B4GALT5: variants seen among roughly 807,000 people sequenced by gnomAD.
The protein encoded by B4GALT5 is beta-1,4-galactosyltransferase 5, also known as UDP-Gal:beta-GlcNAc beta-1,4-galactosyltransferase 5.
B4GALT5 carries 11 observed loss-of-function variants against 45.0 expected under a neutral mutation model. That is an observed-to-expected ratio of 0.24 (90% CI 0.15 to 0.40). The LOEUF is 0.40. B4GALT5 is among the 10% of genes least tolerant of loss of function. B4GALT5 has a pLI of 1.00. For missense variants in B4GALT5, 337 were observed against 500.2 expected, an observed-to-expected ratio of 0.67 and a Z score of 3.11; for synonymous variants, 185 against 182.9, an observed-to-expected ratio of 1.01 and a Z score of -0.09.
At chr20:49,663,688 AAAATATATACATATAT>A (rs1214003913) in intron 1 of B4GALT5, among the ~76,000 whole-genome samples, 2 of 106,924 alleles carry the variant, frequency 1.9e-5, no homozygotes, top group African/African-American at 7.6e-5. Flanking sequence ...AAAAAAAAAA[AAAATATATACATATAT>A]ATATATATAT....
chr20:49,679,879 C>T (rs771494670), intron 1 of B4GALT5, among the ~76,000 whole-genome samples: 9 of 152,118 alleles, frequency 5.9e-5, no homozygotes, highest in South Asian at 2.1e-4. Flanking sequence ...TTTCAGTATA[C>T]CTGCCTTGAA....
At chr20:49,667,252 GTT>G (rs1568723891) in intron 1 of B4GALT5, among the ~76,000 whole-genome samples, 5 of 46,940 alleles carry the variant, frequency 1.1e-4, no homozygotes, top group Non-Finnish European at 3.3e-4. Flanking sequence ...TTTGGCTTGT[GTT>G]GTTGTTGTTT....
chr20:49,665,100 T>G (rs1462355794), intron 1 of B4GALT5, among the ~76,000 whole-genome samples: 3 of 151,978 alleles, frequency 2.0e-5, no homozygotes, highest in Non-Finnish European at 4.4e-5. Flanking sequence ...TCTCCAGGAG[T>G]GGCCAAGTTC....
At chr20:49,652,894 A>G (rs978915910) in intron 2 of B4GALT5, among the ~76,000 whole-genome samples, 2 of 152,200 alleles carry the variant, frequency 1.3e-5, no homozygotes, top group African/African-American at 4.8e-5. Flanking sequence ...CCATTAAGCC[A>G]ACAGTGCTCC....
intron 1 of B4GALT5, among the ~76,000 whole-genome samples, chr20:49,669,054 T>A (rs187416002): frequency 1.2e-3 from 188 of 151,654 alleles, no homozygotes; most frequent in African/African-American, 4.4e-3. Flanking sequence ...AGAGGTAGAA[T>A]CTCACTTTGT....
At chr20:49,647,553 C>A (rs1335854785) in intron 2 of B4GALT5, among the ~76,000 whole-genome samples, 1 of 152,214 alleles carries the variant, frequency 6.6e-6, no homozygotes, top group Non-Finnish European at 1.5e-5. Context: ...CGATCCCCTT[C>A]CATTCCCCAG....
chr20:49,710,244 A>G (rs1366805833), intron 1 of B4GALT5, among the ~76,000 whole-genome samples: 1 of 152,230 alleles, frequency 6.6e-6, no homozygotes, highest in Non-Finnish European at 1.5e-5. Context: ...CTAGAAGGAA[A>G]TATAAGTCCA....
chr20:49,636,163 T>C lies in B4GALT5; in HGVS notation c.*149A>G. The C allele has an allele frequency of 7.7e-6, 8 of 1,041,366 alleles. No individual in the cohort carries two copies. Among genetic ancestry groups the C allele is most frequent in the Non-Finnish European group, 1.1e-5 (8 of 721,008 alleles). 64.5% of individuals were successfully genotyped at this position (1,041,366 alleles called of 1,614,324 possible). A position where few individuals can be genotyped will look rare whatever the true frequency, so the allele number is the denominator to read the frequency against. ...CCAGTGAAGGCGTTTGTGCGTGTGCTGTCACATTTTCCCCCTGAACTCTGT... is the reference window on the plus strand; with the variant it reads ...CCAGTGAAGGCGTTTGTGCGTGTGCCGTCACATTTTCCCCCTGAACTCTGT... On this transcript the variant is annotated 3_prime_UTR_variant, in exon 9 of 9. Coordinates refer to ENST00000371711, the MANE Select transcript of B4GALT5 (RefSeq NM_004776.4).
At chr20:49,678,977 C>A (rs1568727755) in intron 1 of B4GALT5, among the ~76,000 whole-genome samples, 2 of 152,162 alleles carry the variant, frequency 1.3e-5, no homozygotes, top group East Asian at 3.9e-4. Context: ...TAATCCCTTG[C>A]CCACTACATG....
chr20:49,636,937 A>ACACACACAC (rs1568713576), intron 8 of B4GALT5, among the ~76,000 whole-genome samples: 58 of 64,894 alleles, frequency 8.9e-4, no homozygotes, highest in Middle Eastern at 9.4e-3. Context: ...CACACACACA[A>ACACACACAC]AGAAAGAAAA....
chr20:49,691,488 C>T (rs1274728383), intron 1 of B4GALT5, among the ~76,000 whole-genome samples: 1 of 152,048 alleles, frequency 6.6e-6, no homozygotes, highest in Non-Finnish European at 1.5e-5. Context: ...CCACACTGCA[C>T]TCCAGCCTGA....
At chr20:49,643,991 T>C in intron 3 of B4GALT5, among the ~76,000 whole-genome samples, 1 of 141,394 alleles carries the variant, frequency 7.1e-6, no homozygotes, top group Non-Finnish European at 1.5e-5. Context: ...TGCAGTGGTG[T>C]GATCTCAGCT....
intron 2 of B4GALT5, among the ~76,000 whole-genome samples, chr20:49,650,596 G>A (rs374731861): frequency 9.2e-5 from 14 of 152,056 alleles, no homozygotes; most frequent in African/African-American, 3.1e-4. Context: ...GAGATCACAC[G>A]GTTGCACTCC....
Position 49,665,066 on chromosome 20 carries a change from G to A in B4GALT5, c.116-8364C>T, listed in dbSNP as rs2085683433. Reference sequence around the variant, plus strand: ...CTGGACTTCAAGCTTTCTCCAAAAGGGGAAAAGTAAAGTGGCCACTTACTC... The same window carrying A: ...CTGGACTTCAAGCTTTCTCCAAAAGAGGAAAAGTAAAGTGGCCACTTACTC... On this transcript the variant is annotated intron_variant, in intron 1 of 8. Coordinates refer to ENST00000371711, the MANE Select transcript of B4GALT5 (RefSeq NM_004776.4). 2.0e-5 allele frequency among the ~76,000 whole-genome samples: 3 copies of A among 152,234 alleles called. No homozygotes were observed. The South Asian group carries it at 6.2e-4, about 32-fold the overall frequency.
rs2085863292 is a variant in B4GALT5, at chr20:49,701,838, G to A, written c.115+11738C>T. ...GCCTGTAATCCCAGCACTTTGGGAA[G>A]CCAAGACAGGTGGATCAGGTGTTCA... On this transcript the variant is annotated intron_variant, in intron 1 of 8. Transcript: ENST00000371711. Among the ~76,000 whole-genome samples, 9 of 151,974 alleles carry A rather than the reference G, an allele frequency of 5.9e-5. No homozygotes were observed. The South Asian group carries it at 1.7e-3, about 28-fold the overall frequency.
intron 6 of B4GALT5, among the ~76,000 whole-genome samples, chr20:49,640,062 T>G (rs1411356109): frequency 1.3e-5 from 2 of 152,244 alleles, no homozygotes. Flanking sequence ...TGTGCAACCA[T>G]GACCACAATC....
At chr20:49,674,470 G>A (rs1207525307) in intron 1 of B4GALT5, among the ~76,000 whole-genome samples, 1 of 152,038 alleles carries the variant, frequency 6.6e-6, no homozygotes, top group Admixed American at 6.6e-5. Context: ...GGTCGGGTGT[G>A]GTGGCTCATG....
At chr20:49,654,693 C>T (rs946813775) in intron 2 of B4GALT5, among the ~76,000 whole-genome samples, 7 of 152,188 alleles carry the variant, frequency 4.6e-5, no homozygotes, top group Non-Finnish European at 8.8e-5. Context: ...ATTTCACATT[C>T]GACAGTGAAC....
At chr20:49,647,117 G>T (rs374583401) in intron 2 of B4GALT5, 39 bp from the exon 3 acceptor site, 9 of 1,319,412 alleles carry the variant, frequency 6.8e-6, no homozygotes, top group Non-Finnish European at 7.6e-6. Flanking sequence ...AGACTGGTAT[G>T]TGTGATCAAC....
Sources: allele counts gnomAD v4.1 joint callset (sites outside exome capture counted in the v4.1 genomes callset), GRCh38; gene constraint gnomAD v4.1.1; transcripts MANE v1.5; gene names NCBI Gene and HGNC (gene_info 2026-07-23, HGNC 2026-07-21).